Variants in SUB1 observed in about 807,000 individuals in gnomAD.
SUB1 encodes the protein SUB1 regulator of transcription, also known as activated RNA polymerase II transcriptional coactivator p15.
In SUB1, 1 loss-of-function variant was observed where a neutral mutation model predicts 16.9. The observed-to-expected ratio is 0.06, with a 90% confidence interval of 0.02 to 0.28. The LOEUF is 0.28. Ranked by LOEUF, SUB1 falls within the 10% of genes least tolerant of loss-of-function variation. The pLI, the probability that SUB1 is intolerant of heterozygous loss-of-function variation, is 1.00. For synonymous variants in SUB1, 51 were observed against 46.9 expected (o/e 1.09, Z -0.36); for missense variants, 84 against 145.2 (o/e 0.58, Z 2.16).
intron 4 of SUB1, among the ~76,000 whole-genome samples, chr5:32,599,758 C>T (rs1413992357): frequency 1.3e-5 from 2 of 148,778 alleles, no homozygotes; most frequent in Non-Finnish European, 3.0e-5. Context: ...TTCATATTTT[C>T]TTCAAGTCAC....
In SUB1 at chr5:32,602,117, C is replaced by CA. The variant is rs2111692652; in HGVS notation, c.*1033_*1034insA. The CA allele has an allele frequency of 2.4e-6, 1 of 423,460 alleles. No individual in the cohort carries two copies. Among genetic ancestry groups the CA allele is most frequent in the African/African-American group, 2.0e-5 (1 of 49,236 alleles). 26.2% of individuals were successfully genotyped at this position (423,460 alleles called of 1,614,324 possible). On this transcript the variant is annotated 3_prime_UTR_variant, in exon 5 of 5. Coordinates refer to ENST00000265073, the MANE Select transcript of SUB1 (RefSeq NM_006713.4). ...TTGGCCTTTGCCCCAGTAGAACAGA[C>CA]CAATGGCATTCTAGACTTGATGATA...
chr5:32,595,892 C>T (rs766060607), intron 3 of SUB1: 2 of 152,038 alleles, frequency 1.3e-5, no homozygotes, highest in Non-Finnish European at 2.9e-5. Flanking sequence ...TTCCATTTCC[C>T]TCATGTACAT....
In SUB1 at chr5:32,588,557, T is replaced by C. The variant is rs1416631920; in HGVS notation, c.45T>C (p.Ser15=). The C allele has an allele frequency of 5.6e-6, 9 of 1,613,272 alleles. No individual in the cohort carries two copies. In the Middle Eastern group the frequency reaches 5.0e-4, roughly 90 times the overall value. ...TTGTTTCTTCAAGCTCTTCTGGCAGTGATTCTGACAGTGAGGTTGACAAAA... is the reference window on the plus strand; with the variant it reads ...TTGTTTCTTCAAGCTCTTCTGGCAGCGATTCTGACAGTGAGGTTGACAAAA... ...KELVSSSSSG[S]DSDSEVDKKL... is the part of the protein sequence containing the mutation. The change falls in exon 2 of 5, where the codon AGT becomes AGC. Residue 15 remains serine, a synonymous_variant. Transcript: ENST00000265073.
At chr5:32,589,828 T>G (rs1018802102) in intron 2 of SUB1, among the ~76,000 whole-genome samples, 3 of 151,720 alleles carry the variant, frequency 2.0e-5, no homozygotes, top group Non-Finnish European at 4.4e-5. Context: ...TCCGAAAGTT[T>G]ATTCAAAAGA....
rs113314048 is a variant in SUB1, at chr5:32,600,868, G to C, written c.305-137G>C. ...GATCCACCCGCCTTGGCCTCCCAAAGTGCTGGGATTACAGGTGTGAGCCAC... is the reference window on the plus strand; with the variant it reads ...GATCCACCCGCCTTGGCCTCCCAAACTGCTGGGATTACAGGTGTGAGCCAC... On this transcript the variant is annotated intron_variant, in intron 4 of 4. Coordinates refer to ENST00000265073, the MANE Select transcript of SUB1 (RefSeq NM_006713.4). The C allele has an allele frequency of 1.3e-4, 85 of 678,430 alleles. No homozygotes were observed. In the African/African-American group the frequency reaches 1.5e-3, roughly 12 times the overall value. The allele number at this position is 678,430 out of a possible 1,614,324, so 42.0% of individuals were successfully genotyped here.
At chr5:32,586,917 C>T (rs899004413) in intron 1 of SUB1, among the ~76,000 whole-genome samples, 49 of 152,100 alleles carry the variant, frequency 3.2e-4, no homozygotes, top group Admixed American at 7.9e-4. Flanking sequence ...ACTTCTTTTT[C>T]CTTGACCTCC....
In SUB1 at chr5:32,599,108, A is replaced by T. The variant is rs751259253; in HGVS notation, c.304+39A>T. 3.4e-6 allele frequency: 5 copies of T among 1,492,054 alleles called. No individual in the cohort carries two copies. The South Asian group carries it at 5.8e-5, about 17-fold the overall frequency. The allele number at this position is 1,492,054 out of a possible 1,614,324, so 92.4% of individuals were successfully genotyped here. On this transcript the variant is annotated intron_variant, in intron 4 of 4. Transcript: ENST00000265073. ...ACTTGAATTTTATTACAGTGTTAGG[A>T]CTAAACGACAACTTTTCTGAGTAGC...
chr5:32,595,766 G>T lies in SUB1; in HGVS notation c.196-3195G>T, dbSNP rs1010809768. 3 of 152,204 alleles carry T rather than the reference G, an allele frequency of 2.0e-5. No individual in the cohort carries two copies. In the South Asian group the frequency reaches 6.2e-4, roughly 32 times the overall value. 9.4% of individuals were successfully genotyped at this position (152,204 alleles called of 1,614,324 possible). ...AGCTGTAGCATTTTACACAGCCATC[G>T]GTACTACTTAGGAGATTCCAGTTGC... On this transcript the variant is annotated intron_variant, in intron 3 of 4. Coordinates refer to ENST00000265073, the MANE Select transcript of SUB1 (RefSeq NM_006713.4).
Position 32,598,982 on chromosome 5 carries a change from AG to A in SUB1, c.218del (p.Ser73MetfsTer10). The A allele has an allele frequency of 6.2e-7, 1 of 1,613,508 alleles. No individual in the cohort carries two copies. The highest frequency in any genetic ancestry group is 8.5e-7 in the Non-Finnish European group (1 of 1,179,682). On this transcript the variant is annotated frameshift_variant, in exon 4 of 5. Transcript: ENST00000265073. LOFTEE classifies it high-confidence loss of function. ...GCAGATTGGGAAAATGAGGTACGTT[AG>A]TGTTCGCGATTTTAAAGGCAAAGTG... is the stretch of plus-strand genomic sequence containing the variant. ...MFQIGKMRYV[S>X]VRDFKGKVLI...
At chr5:32,589,889 T>C (rs1370577669) in intron 2 of SUB1, among the ~76,000 whole-genome samples, 1 of 151,934 alleles carries the variant, frequency 6.6e-6, no homozygotes, top group Non-Finnish European at 1.5e-5. Context: ...CAATTTTAGC[T>C]AAAAGAAAAG....
At chr5:32,588,410 C>A in intron 1 of SUB1, 102 bp from the exon 2 acceptor site, 1 of 999,516 alleles carries the variant, frequency 1.0e-6, no homozygotes, top group African/African-American at 1.6e-5. Flanking sequence ...GTAGAATGAA[C>A]CGTGGAACTT....
rs1306367717 is a variant in SUB1 at position 32,591,696 on chromosome 5, CTATT to C, written c.195+13_195+16del. 19 of 1,511,108 alleles carry C rather than the reference CTATT, an allele frequency of 1.3e-5. No individual in the cohort carries two copies. In the African/African-American group the frequency reaches 2.3e-4, roughly 18 times the overall value. 93.6% of individuals were successfully genotyped at this position (1,511,108 alleles called of 1,614,324 possible). Reference sequence around the variant, plus strand: ...GATAACATGTTTCAGGTAAAGTTGGCTATTTTTTTTTTTTTTTTTTTTGACATGG... The same window carrying C: ...GATAACATGTTTCAGGTAAAGTTGGCTTTTTTTTTTTTTTTTTTGACATGG... On this transcript the variant is annotated intron_variant, in intron 3 of 4. Coordinates refer to ENST00000265073, the MANE Select transcript of SUB1 (RefSeq NM_006713.4).
intron 1 of SUB1, among the ~76,000 whole-genome samples, chr5:32,588,307 G>A (rs1179630745): frequency 6.6e-6 from 1 of 152,134 alleles, no homozygotes; most frequent in Non-Finnish European, 1.5e-5. Context: ...TTCTTACTGG[G>A]TTCAGCACAT....
rs1225372747 is a variant in SUB1 at position 32,598,993 on chromosome 5, T to C, written c.228T>C (p.Asp76=). The change falls in exon 4 of 5, where the codon GAT becomes GAC. Residue 76 remains aspartate, a synonymous_variant. Transcript: ENST00000265073. ...AAATGAGGTACGTTAGTGTTCGCGA[T>C]TTTAAAGGCAAAGTGCTAATTGATA... is the stretch of plus-strand genomic sequence containing the variant. ...IGKMRYVSVR[D]FKGKVLIDIR... 5.0e-6 allele frequency: 8 copies of C among 1,613,508 alleles called. No homozygotes were observed. In the East Asian group the frequency reaches 1.1e-4, roughly 22 times the overall value.
intron 4 of SUB1, among the ~76,000 whole-genome samples, chr5:32,600,665 A>G (rs941843212): frequency 6.6e-6 from 1 of 150,454 alleles, no homozygotes; most frequent in Non-Finnish European, 1.5e-5. Flanking sequence ...GTGCAGTGGC[A>G]TGATCTTGGC....
At chr5:32,595,008 A>T (rs1248545120) in intron 3 of SUB1, 1 of 152,820 alleles carries the variant, frequency 6.5e-6, no homozygotes, top group African/African-American at 2.4e-5. Flanking sequence ...ATATATTGTC[A>T]TCTGATTTTA....
At chr5:32,593,133 C>A (rs937096641) in intron 3 of SUB1, among the ~76,000 whole-genome samples, 1 of 152,104 alleles carries the variant, frequency 6.6e-6, no homozygotes, top group African/African-American at 2.4e-5. Flanking sequence ...CTGCCTCAGC[C>A]TCCTGAGTAA....
chr5:32,598,493 T>TAAC (rs138372414), intron 3 of SUB1: 20,513 of 152,860 alleles, frequency 0.13, 3,508 homozygotes, highest in African/African-American at 0.4. Context: ...TACACTGAGA[T>TAAC]AACAGGAAGT....
At position 32,603,231 on chromosome 5, in the gene SUB1, G is replaced by A. The variant is rs1456310681; in HGVS notation, c.*2147G>A. 1 of 152,124 alleles carries A rather than the reference G, an allele frequency of 6.6e-6. No homozygotes were observed. Among genetic ancestry groups the A allele is most frequent in the African/African-American group, 2.4e-5 (1 of 41,444 alleles). 9.4% of individuals were successfully genotyped at this position (152,124 alleles called of 1,614,324 possible). A position where few individuals can be genotyped will look rare whatever the true frequency, so the allele number is the denominator to read the frequency against. On this transcript the variant is annotated 3_prime_UTR_variant, in exon 5 of 5. Coordinates refer to ENST00000265073, the MANE Select transcript of SUB1 (RefSeq NM_006713.4). ...AAATTATTAATCAGTTTGTGTATAG[G>A]AAAAGAGAACTGGGTTAAAAGCAAA... is the stretch of plus-strand genomic sequence containing the variant.
Sources: gnomAD v4.1 joint callset for allele counts (sites outside exome capture counted in the v4.1 genomes callset) on GRCh38, gnomAD v4.1.1 for gene constraint, MANE v1.5 for transcripts, NCBI Gene and HGNC (gene_info 2026-07-23, HGNC 2026-07-21) for gene names.